Variants in JAKMIP3 observed in about 807,000 individuals in gnomAD.
The protein encoded by JAKMIP3 is janus kinase and microtubule-interacting protein 3.
A neutral mutation model predicts 118.5 loss-of-function variants in JAKMIP3; 58 were observed. That is an observed-to-expected ratio of 0.49 (90% CI 0.40 to 0.61). The LOEUF is 0.61. Among genes scored for constraint, JAKMIP3 ranks in the 20% least tolerant of loss-of-function variants. The probability of loss-of-function intolerance (pLI) is 0.00; values close to 1 mark genes in which losing one functional copy is unlikely to be tolerated. For synonymous variants in JAKMIP3, 486 were observed against 451.2 expected (o/e 1.08, Z -0.98); for missense variants, 950 against 1,109.0 (o/e 0.86, Z 2.04).
chr10:132,065,421 C>G (rs781433202), upstream of JAKMIP3, among the ~76,000 whole-genome samples: 7 of 121,316 alleles, frequency 5.8e-5, no homozygotes, highest in Admixed American at 9.1e-5. The surrounding 1 kb of genome is among the most constrained non-coding windows in gnomAD (Gnocchi z 5.6). Flanking sequence ...AAATAGATAC[C>G]CTCAGAGTGG....
chr10:132,124,593 G>A lies in JAKMIP3; in HGVS notation c.633+7019G>A, dbSNP rs550088143. Among the ~76,000 whole-genome samples, 596 of 151,946 alleles carry A rather than the reference G, an allele frequency of 3.9e-3. 1 individual carries two copies. Among genetic ancestry groups the A allele is most frequent in the African/African-American group, 7.8e-3 (322 of 41,444 alleles). Reference sequence around the variant, plus strand: ...GCCACATGGTCACCTGTCCCACCCCGGCACATCACAGCCGAGCCAGCCAGC... The same window carrying A: ...GCCACATGGTCACCTGTCCCACCCCAGCACATCACAGCCGAGCCAGCCAGC... On this transcript the variant is annotated intron_variant, in intron 3 of 23. Coordinates refer to ENST00000684848, the MANE Select transcript of JAKMIP3 (RefSeq NM_001323087.2).
chr10:132,122,395 G>T (rs907573534), intron 3 of JAKMIP3, among the ~76,000 whole-genome samples: 2 of 152,264 alleles, frequency 1.3e-5, no homozygotes, highest in African/African-American at 2.4e-5. Flanking sequence ...CTGGGCCGAG[G>T]CTCCTGGGTG....
At chr10:132,173,386 T>A (rs1203225561) in intron 23 of JAKMIP3, among the ~76,000 whole-genome samples, 1 of 151,164 alleles carries the variant, frequency 6.6e-6, no homozygotes, top group Non-Finnish European at 1.5e-5. Context: ...ATGTACCTGC[T>A]CATCTGTGCG....
At chr10:132,181,987 T>C (rs2061535371) in intron 23 of JAKMIP3, among the ~76,000 whole-genome samples, 1 of 152,192 alleles carries the variant, frequency 6.6e-6, no homozygotes, top group African/African-American at 2.4e-5. Context: ...TAATAAAAAC[T>C]TTGAACTTAG....
At chr10:132,139,936 C>T (rs2053142352) in intron 9 of JAKMIP3, among the ~76,000 whole-genome samples, 1 of 152,114 alleles carries the variant, frequency 6.6e-6, no homozygotes, top group Non-Finnish European at 1.5e-5. Context: ...TTCTTGAAGG[C>T]AGGGGTGAGG....
chr10:132,075,406 T>TC, intron 1 of JAKMIP3, among the ~76,000 whole-genome samples: 1 of 93,896 alleles, frequency 1.1e-5, no homozygotes, highest in Non-Finnish European at 1.9e-5. Context: ...ATACTTCACC[T>TC]CTTTTTTTTT....
chr10:132,093,704 C>T (rs2043421580), intron 1 of JAKMIP3, among the ~76,000 whole-genome samples: 1 of 152,164 alleles, frequency 6.6e-6, no homozygotes, highest in Admixed American at 6.5e-5. Context: ...TGATGCCTCG[C>T]CCTGCTTCGG....
intron 23 of JAKMIP3, among the ~76,000 whole-genome samples, chr10:132,171,158 C>A (rs1463024421): frequency 6.6e-6 from 1 of 152,214 alleles, no homozygotes; most frequent in Non-Finnish European, 1.5e-5. Flanking sequence ...GACTTTGGGC[C>A]GAGGCCGCCA....
chr10:132,073,037 A>G (rs968944796), intron 1 of JAKMIP3, among the ~76,000 whole-genome samples: 1 of 152,182 alleles, frequency 6.6e-6, no homozygotes, highest in African/African-American at 2.4e-5. Flanking sequence ...TTCATTCAGG[A>G]TAATAGCCTC....
At position 132,179,411 on chromosome 10, in the gene JAKMIP3, G is replaced by A. The variant is rs1032808217; in HGVS notation, c.*1104-2946G>A. Among the ~76,000 whole-genome samples, 1 of 152,148 alleles carries A rather than the reference G, an allele frequency of 6.6e-6. No individual in the cohort carries two copies. The highest frequency in any genetic ancestry group is 2.4e-5 in the African/African-American group (1 of 41,424). On this transcript the variant is annotated intron_variant, in intron 23 of 23. Transcript: ENST00000684848. This position sits in a 1 kb window ranked among gnomAD's most constrained non-coding sequence, Gnocchi z 4.3. Reference sequence around the variant, plus strand: ...CACTCGAAGCTCAGCCACCTGAGCAGCACTTTCCTGCCCCCTCCCTGAGAA... The same window carrying A: ...CACTCGAAGCTCAGCCACCTGAGCAACACTTTCCTGCCCCCTCCCTGAGAA...
chr10:132,054,492 C>CA (rs1171326425), intron 1 of JAKMIP3, among the ~76,000 whole-genome samples: 2 of 152,072 alleles, frequency 1.3e-5, no homozygotes, highest in Admixed American at 1.3e-4. Context: ...GCTAGCTTGG[C>CA]AGATATGGGG....
Position 132,118,297 on chromosome 10 carries a change from C to T in JAKMIP3, c.633+723C>T, listed in dbSNP as rs140366042. 2.6e-4 allele frequency among the ~76,000 whole-genome samples: 40 copies of T among 152,334 alleles called. No homozygotes were observed. Among genetic ancestry groups the T allele is most frequent in the Non-Finnish European group, 4.4e-4 (30 of 68,040 alleles). ...TCTCAAAGGCCCAGGGTTCAGCTGA[C>T]GAGAATGTCCAGGGATTGCAAGGGA... On this transcript the variant is annotated intron_variant, in intron 3 of 23. Coordinates refer to ENST00000684848, the MANE Select transcript of JAKMIP3 (RefSeq NM_001323087.2). This position sits in a 1 kb window ranked among gnomAD's most constrained non-coding sequence, Gnocchi z 4.8.
intron 1 of JAKMIP3, among the ~76,000 whole-genome samples, chr10:132,059,072 C>T (rs985225757): frequency 6.6e-6 from 1 of 152,220 alleles, no homozygotes; most frequent in Non-Finnish European, 1.5e-5. Flanking sequence ...AACAGCTGTT[C>T]GCGCGGACGA....
chr10:132,094,452 C>G lies in JAKMIP3; in HGVS notation c.-137-10220C>G, dbSNP rs190460150. On this transcript the variant is annotated intron_variant, in intron 1 of 23. Coordinates refer to ENST00000684848, the MANE Select transcript of JAKMIP3 (RefSeq NM_001323087.2). ...AGATTCTTTTGTCCCATGGGGTGTT[C>G]CCTTGATGTAGGGCTCTGCTCCTTT... Among the ~76,000 whole-genome samples the G allele has an allele frequency of 6.9e-4, 104 of 151,658 alleles. 1 individual carries two copies. The highest frequency in any genetic ancestry group is 2.5e-3 in the African/African-American group (102 of 41,042).
chr10:132,162,968 G>GGT (rs1417469648), intron 19 of JAKMIP3, among the ~76,000 whole-genome samples: 1 of 152,182 alleles, frequency 6.6e-6, no homozygotes, highest in East Asian at 1.9e-4. Context: ...CCCACTCTGG[G>GGT]GTCAGGGTCC....
At chr10:132,151,698 C>T (rs1453916154) in intron 16 of JAKMIP3, among the ~76,000 whole-genome samples, 1 of 152,224 alleles carries the variant, frequency 6.6e-6, no homozygotes, top group Non-Finnish European at 1.5e-5. Flanking sequence ...TACCCAGCCC[C>T]ACCCAGGCCT....
chr10:132,110,588 A>G (rs1406864615), intron 2 of JAKMIP3, among the ~76,000 whole-genome samples: 2 of 152,222 alleles, frequency 1.3e-5, no homozygotes, highest in East Asian at 3.8e-4. Flanking sequence ...CATTTTGCAG[A>G]CTGTGATTTT....
chr10:132,100,100 A>C (rs1447768454), intron 1 of JAKMIP3, among the ~76,000 whole-genome samples: 3 of 152,090 alleles, frequency 2.0e-5, no homozygotes, highest in Non-Finnish European at 1.5e-5. Flanking sequence ...CAGGCTCCCC[A>C]GGGCAGATGC....
intron 1 of JAKMIP3, among the ~76,000 whole-genome samples, chr10:132,091,316 T>G (rs940182913): frequency 3.9e-5 from 6 of 152,348 alleles, no homozygotes; most frequent in African/African-American, 7.2e-5. Flanking sequence ...AGAGCTGAGT[T>G]CAATTCCTGG....
Sources: allele counts gnomAD v4.1 joint callset (sites outside exome capture counted in the v4.1 genomes callset), GRCh38; gene constraint gnomAD v4.1.1; non-coding constraint Gnocchi (gnomAD v3.1); transcripts MANE v1.5; gene names NCBI Gene and HGNC (gene_info 2026-07-23, HGNC 2026-07-21).